The following ZRANB1 variants were observed in gnomAD, a reference collection of about 807,000 sequenced individuals.
ZRANB1 encodes the protein ubiquitin thioesterase ZRANB1.
A neutral mutation model predicts 80.5 loss-of-function variants in ZRANB1; 16 were observed. The observed-to-expected ratio is 0.20, with a 90% CI of 0.13 to 0.30. ZRANB1 has a LOEUF of 0.30. Ranked by LOEUF, ZRANB1 falls within the 10% of genes least tolerant of loss-of-function variation. The probability of loss-of-function intolerance (pLI) is 1.00; values close to 1 mark genes in which losing one functional copy is unlikely to be tolerated. For synonymous variants in ZRANB1, 291 were observed against 293.1 expected (o/e 0.99, Z 0.07); for missense variants, 576 against 862.6 (o/e 0.67, Z 4.16).
chr10:124,974,212 A>C lies in ZRANB1; in HGVS notation c.1241A>C (p.Glu414Ala), dbSNP rs774804452. ...ATCCATCGTACAGAATTAGAAGAAG[A>C]ATCTCCAATTATTAACTGGTCCTTG... ...DRDVQKELEE[E>A]SPIINWSLEL... The change falls in exon 5 of 9, where the codon GAA becomes GCA. Residue 414 changes from glutamate to alanine, a missense_variant. Coordinates refer to ENST00000359653, the MANE Select transcript of ZRANB1 (RefSeq NM_017580.3). 1.2e-6 allele frequency: 2 copies of C among 1,614,232 alleles called. No individual in the cohort carries two copies. Among genetic ancestry groups the C allele is most frequent in the Non-Finnish European group, 1.7e-6 (2 of 1,180,002 alleles).
At chr10:124,950,667 T>C (rs188876448) in intron 1 of ZRANB1, among the ~76,000 whole-genome samples, 2 of 152,100 alleles carry the variant, frequency 1.3e-5, no homozygotes, top group African/African-American at 4.8e-5. Flanking sequence ...TCTAGAAATA[T>C]CTAAATATTT....
chr10:124,919,426 A>G, the ZRANB1 span, among the ~76,000 whole-genome samples: 1 of 151,690 alleles, frequency 6.6e-6, no homozygotes, highest in Non-Finnish European at 1.5e-5. Context: ...GTGTGCCTGT[A>G]ATCCCAGCTA....
intron 2 of ZRANB1, among the ~76,000 whole-genome samples, chr10:124,968,453 G>C (rs1402083940): frequency 6.6e-6 from 1 of 152,188 alleles, no homozygotes; most frequent in African/African-American, 2.4e-5. Flanking sequence ...GGGGTGGGGG[G>C]CTTGAGAGAC....
chr10:124,932,793 C>T, the ZRANB1 span, among the ~76,000 whole-genome samples: 2 of 152,046 alleles, frequency 1.3e-5, no homozygotes, highest in Admixed American at 1.3e-4. Flanking sequence ...GAACTCCTGA[C>T]CTCAGGTGAT....
intron 1 of ZRANB1, among the ~76,000 whole-genome samples, chr10:124,944,925 AG>A (rs1951567133): frequency 6.6e-6 from 1 of 152,038 alleles, no homozygotes; most frequent in African/African-American, 2.4e-5. Context: ...CCTGAGGATG[AG>A]GGGATGAAAA....
intron 1 of ZRANB1, among the ~76,000 whole-genome samples, chr10:124,958,393 C>T (rs139298391): frequency 6.6e-6 from 1 of 152,202 alleles, no homozygotes; most frequent in East Asian, 1.9e-4. Flanking sequence ...CTAGTCTAAG[C>T]GACAGAGCAA....
rs774894109 is a variant in ZRANB1 at position 124,974,338 on chromosome 10, A to G, written c.1367A>G (p.Tyr456Cys). Residue 456 changes from tyrosine to cysteine, a missense_variant, in exon 5 of 9, where the codon TAT becomes TGT. Around this residue, in one of 3 missense-constraint regions of ZRANB1, gnomAD observed 411 missense variants for 583.1 expected, o/e 0.70. Transcript: ENST00000359653. ...DSVLQATWGIYDKDSVLRKAL... is the reference protein window; with the variant it reads ...DSVLQATWGICDKDSVLRKAL... ...GTTCTACAAGCTACCTGGGGCATCT[A>G]TGACAAGGACTCAGTGCTTCGGAAA... The G allele has an allele frequency of 3.2e-5, 51 of 1,614,256 alleles. No individual in the cohort carries two copies. The South Asian group carries it at 4.8e-4, about 15-fold the overall frequency.
At chr10:124,981,967 G>T in intron 6 of ZRANB1, 138 bp downstream of exon 6, 2 of 1,051,084 alleles carry the variant, frequency 1.9e-6, no homozygotes, top group Non-Finnish European at 2.8e-6. Flanking sequence ...GTCAACTTGG[G>T]TTCTAGTGAT....
chr10:124,980,012 C>A (rs1041457555), intron 5 of ZRANB1, among the ~76,000 whole-genome samples: 1 of 152,064 alleles, frequency 6.6e-6, no homozygotes, highest in African/African-American at 2.4e-5. Context: ...ATTTTGAGTC[C>A]TTTGGATTTC....
intron 1 of ZRANB1, among the ~76,000 whole-genome samples, chr10:124,963,082 A>G: frequency 6.6e-6 from 1 of 152,118 alleles, no homozygotes; most frequent in East Asian, 1.9e-4. Context: ...CCTGATCAAT[A>G]TGGTGAAACC....
intron 1 of ZRANB1, among the ~76,000 whole-genome samples, chr10:124,950,858 G>A (rs2134254621): frequency 6.6e-6 from 1 of 152,264 alleles, no homozygotes; most frequent in East Asian, 1.9e-4. Flanking sequence ...GTGTTCCCAT[G>A]TGGTCCCCAC....
intron 2 of ZRANB1, among the ~76,000 whole-genome samples, chr10:124,970,374 T>G (rs1385919580): frequency 1.3e-5 from 2 of 152,188 alleles, no homozygotes; most frequent in African/African-American, 4.8e-5. Flanking sequence ...CTCTCACCTT[T>G]CAGCCTCCCC....
chr10:124,961,158 C>A (rs11594588), intron 1 of ZRANB1, among the ~76,000 whole-genome samples: 20,055 of 151,886 alleles, frequency 0.13, 1,486 homozygotes, highest in African/African-American at 0.19. Flanking sequence ...CACGCCCCCA[C>A]GCCCGGCTAA....
intron 1 of ZRANB1, among the ~76,000 whole-genome samples, chr10:124,956,772 C>G (rs563213598): frequency 6.6e-5 from 10 of 152,066 alleles, no homozygotes; most frequent in Non-Finnish European, 1.2e-4. Context: ...ATGCCTGGCC[C>G]CTGTCATTAT....
At chr10:124,930,100 T>G in the ZRANB1 span, among the ~76,000 whole-genome samples, 1 of 152,172 alleles carries the variant, frequency 6.6e-6, no homozygotes, top group African/African-American at 2.4e-5. Context: ...GGTTTTGAAG[T>G]GATCAGTTTT....
At chr10:124,958,019 T>G (rs1197720054) in intron 1 of ZRANB1, among the ~76,000 whole-genome samples, 3 of 152,218 alleles carry the variant, frequency 2.0e-5, no homozygotes, top group Non-Finnish European at 4.4e-5. Context: ...CGTGAGCCAC[T>G]GCGCCTAGCC....
In ZRANB1 at chr10:124,942,167, G is replaced by T. The variant is rs1427174623; in HGVS notation, c.-327G>T. 7 of 1,097,798 alleles carry T rather than the reference G, an allele frequency of 6.4e-6. No homozygotes were observed. Among genetic ancestry groups the T allele is most frequent in the Non-Finnish European group, 7.8e-6 (7 of 900,734 alleles). 68.0% of individuals were successfully genotyped at this position (1,097,798 alleles called of 1,614,324 possible). A position where few individuals can be genotyped will look rare whatever the true frequency, so the allele number is the denominator to read the frequency against. ...TAAACATTTCTATTAGTGGCTTCCC[G>T]TTAATCTCATCCTTCTTAGATCAAA... On this transcript the variant is annotated 5_prime_UTR_variant, in exon 1 of 9. Transcript: ENST00000359653.
chr10:124,955,650 T>G (rs987119191), intron 1 of ZRANB1, among the ~76,000 whole-genome samples: 1 of 152,220 alleles, frequency 6.6e-6, no homozygotes, highest in Non-Finnish European at 1.5e-5. Context: ...TAGAGTTATT[T>G]TTAGCAACAT....
intron 6 of ZRANB1, among the ~76,000 whole-genome samples, chr10:124,982,039 G>A (rs148625846): frequency 6.6e-6 from 1 of 150,754 alleles, no homozygotes; most frequent in Non-Finnish European, 1.5e-5. Flanking sequence ...GTATAGATTA[G>A]CATCGCAAGT....
Sources: allele counts gnomAD v4.1 joint callset (sites outside exome capture counted in the v4.1 genomes callset), GRCh38; gene constraint gnomAD v4.1.1; regional missense constraint gnomAD v4.1.1; transcripts MANE v1.5; gene names NCBI Gene and HGNC (gene_info 2026-07-23, HGNC 2026-07-21).